Variants in TDRKH observed in about 807,000 individuals in gnomAD.
TDRKH encodes the protein tudor and KH domain containing.
TDRKH carries 28 observed loss-of-function variants against 61.3 expected under a neutral mutation model. The observed-to-expected ratio is 0.46, with a 90% CI of 0.34 to 0.63. The LOEUF (loss-of-function observed/expected upper bound fraction) is 0.63. Among genes scored for constraint, TDRKH ranks in the 20% least tolerant of loss-of-function variants. The pLI is 0.01. For synonymous variants in TDRKH, 219 were observed against 244.4 expected, an observed-to-expected ratio of 0.90 and a Z score of 0.97; for missense variants, 540 against 683.4, an observed-to-expected ratio of 0.79 and a Z score of 2.34.
rs1424896828 is a variant in TDRKH at position 151,778,881 on chromosome 1, A to G, written c.687T>C (p.Gly229=). The G allele has an allele frequency of 6.2e-7, 1 of 1,613,972 alleles. No individual in the cohort carries two copies. The highest frequency in any genetic ancestry group is 8.5e-7 in the Non-Finnish European group (1 of 1,180,038). Residue 229 remains glycine, a synonymous_variant, in exon 6 of 13, where the codon GGT becomes GGC. Coordinates refer to ENST00000368824, the MANE Select transcript of TDRKH (RefSeq NM_001083965.2). ...SVRREDMTEP[G]GAGEPALWKN... is the part of the protein sequence containing the mutation. ...TCCATAATGCTGGCTCTCCAGCTCC[A>G]CCTGGCTCTGTCATGTCTTCTCTTC...
intron 2 of TDRKH, chr1:151,782,125 A>G (rs1649875326): frequency 2.6e-6 from 1 of 389,404 alleles, no homozygotes. Flanking sequence ...GAGTTATAAA[A>G]TGAGTTCATT....
chr1:151,770,245 C>G (rs779813313), downstream of TDRKH: 8 of 1,613,472 alleles, frequency 5.0e-6, no homozygotes, highest in South Asian at 2.2e-5. Flanking sequence ...CCAGAATGAT[C>G]GGAACGACAG....
chr1:151,773,106 G>T (rs1008299137), downstream of TDRKH, among the ~76,000 whole-genome samples: 2 of 151,888 alleles, frequency 1.3e-5, no homozygotes, highest in Non-Finnish European at 2.9e-5. Context: ...GCAGTGGCAT[G>T]ATCTCAGCTC....
chr1:151,774,678 A>G (rs1648977116), intron 12 of TDRKH, 32 bp downstream of exon 12: 5 of 1,607,340 alleles, frequency 3.1e-6, no homozygotes, highest in Non-Finnish European at 4.3e-6. Flanking sequence ...TTAATCTCCA[A>G]AGATGCTCTA....
At chr1:151,767,458 C>T, downstream of TDRKH, 2 of 1,374,748 alleles carry the variant, frequency 1.5e-6, no homozygotes, top group Non-Finnish European at 1.9e-6. Flanking sequence ...GCATTCTGGC[C>T]CACAGACTGT....
At position 151,775,106 on chromosome 1, in the gene TDRKH, T is replaced by C; in HGVS notation, c.1495A>G (p.Ile499Val). The C allele has an allele frequency of 6.2e-7, 1 of 1,614,194 alleles. No homozygotes were observed. The highest frequency in any genetic ancestry group is 8.5e-7 in the Non-Finnish European group (1 of 1,180,028). ...TCTGGGACAGCTCTGTTTTCTTCTA[T>C]GTCTTCAGGAAGCTCAATTGCGTAT... is the stretch of plus-strand genomic sequence containing the variant. ...KGYAIELPEDIEENRAVPDML... is the reference protein window; with the variant it reads ...KGYAIELPEDVEENRAVPDML... Residue 499 changes from isoleucine to valine, a missense_variant, in exon 11 of 13, where the codon ATA becomes GTA. Physicochemically the swap from Ile to Val is conservative, Grantham distance 29. Coordinates refer to ENST00000368824, the MANE Select transcript of TDRKH (RefSeq NM_001083965.2).
chr1:151,766,676 C>A, downstream of TDRKH: 1 of 1,550,504 alleles, frequency 6.4e-7, no homozygotes, highest in Non-Finnish European at 8.7e-7. Flanking sequence ...CTCTGCCACC[C>A]ACCTGTGAAC....
At chr1:151,771,129 T>C, downstream of TDRKH, 1 of 1,612,934 alleles carries the variant, frequency 6.2e-7, no homozygotes, top group Non-Finnish European at 8.5e-7. Context: ...TCAGACCAGA[T>C]CACCCTGCCC....
At chr1:151,785,522 G>C (rs1031698763) in intron 1 of TDRKH, among the ~76,000 whole-genome samples, 2 of 152,186 alleles carry the variant, frequency 1.3e-5, no homozygotes, top group African/African-American at 4.8e-5. Flanking sequence ...AAAATGAAGA[G>C]ATAATGTGTT....
chr1:151,770,159 C>G, downstream of TDRKH: 1 of 1,613,556 alleles, frequency 6.2e-7, no homozygotes, highest in African/African-American at 1.3e-5. Context: ...AACTGTTTTT[C>G]TGTGGCTCCT....
downstream of TDRKH, chr1:151,767,596 A>AC (rs1648408448): frequency 5.4e-6 from 2 of 373,482 alleles, no homozygotes; most frequent in African/African-American, 4.2e-5. Context: ...CTGCTTAAAG[A>AC]TGCTAAGCAG....
At chr1:151,784,320 T>C (rs1558148987) in intron 1 of TDRKH, among the ~76,000 whole-genome samples, 1 of 152,208 alleles carries the variant, frequency 6.6e-6, no homozygotes, top group Non-Finnish European at 1.5e-5. Context: ...CAGACAAACA[T>C]TCTCTGTTCT....
intron 3 of TDRKH, among the ~76,000 whole-genome samples, chr1:151,780,790 C>T (rs958031813): frequency 6.8e-6 from 1 of 146,694 alleles, no homozygotes; most frequent in Admixed American, 6.9e-5. Flanking sequence ...GCGGAGCTTG[C>T]AGTGAGCCAA....
At chr1:151,770,217 C>T (rs370563228), downstream of TDRKH, 116 of 1,613,782 alleles carry the variant, frequency 7.2e-5, no homozygotes, top group Non-Finnish European at 9.6e-5. Context: ...CAAATGTGGA[C>T]TCTGTGTTTG....
At chr1:151,779,834 CT>C (rs1649574636) in intron 4 of TDRKH, 116 bp downstream of exon 4, 66 of 1,118,140 alleles carry the variant, frequency 5.9e-5, no homozygotes, top group Middle Eastern at 2.5e-4. Flanking sequence ...CTCAATGTCC[CT>C]TTTTTTCCCC....
chr1:151,776,429 G>A lies in TDRKH; in HGVS notation c.1044+10C>T. 1 of 1,613,958 alleles carries A rather than the reference G, an allele frequency of 6.2e-7. No individual in the cohort carries two copies. The highest frequency in any genetic ancestry group is 8.5e-7 in the Non-Finnish European group (1 of 1,179,856). On this transcript the variant is annotated intron_variant, in intron 7 of 12. Coordinates refer to ENST00000368824, the MANE Select transcript of TDRKH (RefSeq NM_001083965.2). ...CATTAAACCCCAGCCCTGTCCCTAT[G>A]GCAACTCACCACACTATTCTCATAG...
Position 151,778,887 on chromosome 1 carries a change from C to G in TDRKH, c.681G>C (p.Glu227Asp), listed in dbSNP as rs766974379. 1 of 1,614,182 alleles carries G rather than the reference C, an allele frequency of 6.2e-7. No homozygotes were observed. The highest frequency in any genetic ancestry group is 8.5e-7 in the Non-Finnish European group (1 of 1,180,032). ...ATGCTGGCTCTCCAGCTCCACCTGG[C>G]TCTGTCATGTCTTCTCTTCTCACAC... Reference protein sequence around the residue: ...PISVRREDMTEPGGAGEPALW... With the variant: ...PISVRREDMTDPGGAGEPALW... Residue 227 changes from glutamate (E) to aspartate (D), a missense_variant, in exon 6 of 13, where the codon GAG (glutamate) becomes GAC (aspartate). Physicochemically the swap from Glu to Asp is conservative, Grantham distance 45. Coordinates refer to ENST00000368824, the MANE Select transcript of TDRKH (RefSeq NM_001083965.2).
chr1:151,776,653 G>A (rs984462554), intron 6 of TDRKH, 54 bp from the exon 7 acceptor site: 7 of 1,593,808 alleles, frequency 4.4e-6, no homozygotes, highest in Non-Finnish European at 6.0e-6. Context: ...TGGTTGGAAT[G>A]AAGAGACTAA....
At position 151,775,435 on chromosome 1, in the gene TDRKH, G is replaced by A. The variant is rs1472644365; in HGVS notation, c.1391C>T (p.Ser464Leu). ...KISSYVQTGI[S>L]TWPKIYLYDT... ...ATATAAGTAGATCTTTGGCCAAGTT[G>A]AGATCCCAGTCTGGACATAGCTAGA... Residue 464 changes from serine to leucine, a missense_variant, in exon 10 of 13, where the codon TCA becomes TTA. By Grantham distance (145) the Ser-to-Leu change is moderately radical (BLOSUM62 -2). Coordinates refer to ENST00000368824, the MANE Select transcript of TDRKH (RefSeq NM_001083965.2). The A allele has an allele frequency of 6.2e-6, 10 of 1,613,946 alleles. No individual in the cohort carries two copies. The highest frequency in any genetic ancestry group is 8.5e-6 in the Non-Finnish European group (10 of 1,180,006).
Sources: gnomAD v4.1 joint callset for allele counts (sites outside exome capture counted in the v4.1 genomes callset) on GRCh38, gnomAD v4.1.1 for gene constraint, MANE v1.5 for transcripts, NCBI Gene and HGNC (gene_info 2026-07-23, HGNC 2026-07-21) for gene names.